Variants in RUNX1 observed in about 807,000 individuals in gnomAD.
The protein encoded by RUNX1 is runt-related transcription factor 1.
A neutral mutation model predicts 42.8 loss-of-function variants in RUNX1; 19 were observed. The observed-to-expected ratio is 0.44, with a 90% confidence interval of 0.31 to 0.65. The LOEUF (loss-of-function observed/expected upper bound fraction) is 0.65. Ranked by LOEUF, RUNX1 falls within the 30% of genes least tolerant of loss-of-function variation. RUNX1 has a pLI of 0.07. For missense variants in RUNX1, 528 were observed against 672.0 expected (o/e 0.79, Z 2.37); for synonymous variants, 271 against 289.4 (o/e 0.94, Z 0.64).
At position 34,835,793 on chromosome 21, in the gene RUNX1, T is replaced by C. The variant is rs141262190; in HGVS notation, c.614-1192A>G. Among the ~76,000 whole-genome samples, 27 of 152,270 alleles carry C rather than the reference T, an allele frequency of 1.8e-4. No individual in the cohort carries two copies. The East Asian group carries it at 5.2e-3, about 29-fold the overall frequency. On this transcript the variant is annotated intron_variant, in intron 6 of 8. Transcript: ENST00000675419. ...AGAAACAGCCTGCCCGCTGCCCCCA[T>C]AAAGTGCTATTTCACATGCCCTGAC...
intron 2 of RUNX1, among the ~76,000 whole-genome samples, chr21:34,992,454 G>A (rs8134978): frequency 0.18 from 26,640 of 151,988 alleles, 2,667 homozygotes; most frequent in African/African-American, 0.26. Context: ...TCCCTGAAGT[G>A]AACATGAGTC....
At position 34,982,296 on chromosome 21, in the gene RUNX1, T is replaced by C. The variant is rs1194508171; in HGVS notation, c.58+66546A>G. On this transcript the variant is annotated intron_variant, in intron 2 of 8. Coordinates refer to ENST00000675419, the MANE Select transcript of RUNX1 (RefSeq NM_001754.5). The stretch of plus-strand genomic sequence containing the variant: ...TCCAAGCTACCCAGGGAACTACCAT[T>C]TACATCATTCATTAAGTAAAATAAA... Among the ~76,000 whole-genome samples the C allele has an allele frequency of 3.9e-5, 6 of 152,242 alleles. No homozygotes were observed. In the East Asian group the frequency reaches 1.2e-3, roughly 29 times the overall value.
At chr21:34,904,842 C>A (rs1409746206) in intron 2 of RUNX1, among the ~76,000 whole-genome samples, 1 of 152,082 alleles carries the variant, frequency 6.6e-6, no homozygotes, top group Non-Finnish European at 1.5e-5. Flanking sequence ...AAGAACCTCA[C>A]GTTTTAGAGA....
At chr21:34,832,519 G>C (rs1486046126) in intron 7 of RUNX1, among the ~76,000 whole-genome samples, 2 of 152,150 alleles carry the variant, frequency 1.3e-5, no homozygotes, top group Non-Finnish European at 2.9e-5. Flanking sequence ...TGGCCAGTTA[G>C]GCAACGAGAG....
rs578008946 is a variant in RUNX1 at position 34,806,942 on chromosome 21, A to G, written c.806-7480T>C. On this transcript the variant is annotated intron_variant, in intron 7 of 8. Coordinates refer to ENST00000675419, the MANE Select transcript of RUNX1 (RefSeq NM_001754.5). ...ACTAAATGAAAATACAACTTATTACAATTTTTGGATGCAGATAGAACAGTA... is the reference window on the plus strand; with the variant it reads ...ACTAAATGAAAATACAACTTATTACGATTTTTGGATGCAGATAGAACAGTA... Among the ~76,000 whole-genome samples the G allele has an allele frequency of 2.0e-5, 3 of 152,230 alleles. No individual in the cohort carries two copies. The East Asian group carries it at 5.8e-4, about 29-fold the overall frequency.
intron 8 of RUNX1, among the ~76,000 whole-genome samples, chr21:34,798,390 G>GT (rs1274292450): frequency 6.6e-6 from 1 of 152,182 alleles, no homozygotes; most frequent in Non-Finnish European, 1.5e-5. Flanking sequence ...GCAAAGGTGA[G>GT]TGCCAAGCCC....
intron 2 of RUNX1, among the ~76,000 whole-genome samples, chr21:35,003,085 A>C (rs1431242902): frequency 6.6e-6 from 1 of 152,192 alleles, no homozygotes; most frequent in Admixed American, 6.5e-5. Flanking sequence ...CCCACTCGAA[A>C]AGCAAATTCA....
In RUNX1 at chr21:34,886,695, C is replaced by T. The variant is rs1179486060; in HGVS notation, c.351+148G>A. On this transcript the variant is annotated intron_variant, in intron 4 of 8. Transcript: ENST00000675419. ...GGGTCGCCACGGCAACACAGCATCC[C>T]CCACATCCCAAGCTAGGAAGACCGA... 7.8e-6 allele frequency: 10 copies of T among 1,288,186 alleles called. No homozygotes were observed. The African/African-American group carries it at 1.5e-4, about 19-fold the overall frequency. 79.8% of individuals were successfully genotyped at this position (1,288,186 alleles called of 1,614,324 possible).
At chr21:34,889,568 A>T in intron 3 of RUNX1, 1 of 712,610 alleles carries the variant, frequency 1.4e-6, no homozygotes, top group Non-Finnish European at 1.8e-6. Context: ...CACCCGCAGC[A>T]GCCGGACAGC....
chr21:34,807,524 A>G (rs2056696323), intron 7 of RUNX1, among the ~76,000 whole-genome samples: 1 of 152,236 alleles, frequency 6.6e-6, no homozygotes, highest in East Asian at 1.9e-4. Flanking sequence ...CTTGGTGAAC[A>G]TATAAACCCT....
In RUNX1 at chr21:34,834,564, C is replaced by G. The variant is rs1569037346; in HGVS notation, c.651G>C (p.Gly217=). The G allele has an allele frequency of 2.5e-6, 4 of 1,612,418 alleles. No individual in the cohort carries two copies. Among genetic ancestry groups the G allele is most frequent in the South Asian group, 1.1e-5 (1 of 90,992 alleles). ...TGAGCCGCTCGGAAAAGGACAAGCT[C>G]CCGGGCTTGGTCTGATCATCTAGTT... The part of the protein sequence containing the change: ...RQKLDDQTKP[G]SLSFSERLSE... The change falls in exon 7 of 9, where the codon GGG becomes GGC. Residue 217 remains glycine (G), a synonymous_variant. Coordinates refer to ENST00000675419, the MANE Select transcript of RUNX1 (RefSeq NM_001754.5).
At position 34,788,966 on chromosome 21, in the gene RUNX1, A is replaced by G. The variant is rs1325849635; in HGVS notation, c.*3169T>C. The G allele has an allele frequency of 4.3e-6, 1 of 233,242 alleles. No homozygotes were observed. Among genetic ancestry groups the G allele is most frequent in the Non-Finnish European group, 8.5e-6 (1 of 118,090 alleles). 14.4% of individuals were successfully genotyped at this position (233,242 alleles called of 1,614,324 possible). Reference sequence around the variant, plus strand: ...GCAATCCTAAATTGCAGGACATTTGAGTGGAACCATTCATTTCCTTTCTAA... The same window carrying G: ...GCAATCCTAAATTGCAGGACATTTGGGTGGAACCATTCATTTCCTTTCTAA... On this transcript the variant is annotated 3_prime_UTR_variant, in exon 9 of 9. Coordinates refer to ENST00000675419, the MANE Select transcript of RUNX1 (RefSeq NM_001754.5).
intron 5 of RUNX1, among the ~76,000 whole-genome samples, chr21:34,867,276 A>T (rs1010664457): frequency 2.6e-5 from 4 of 151,966 alleles, no homozygotes; most frequent in Non-Finnish European, 5.9e-5. Context: ...AAAATAAAAA[A>T]TAAAATAAAA....
intron 2 of RUNX1, among the ~76,000 whole-genome samples, chr21:34,998,529 CTTTTTTCT>C (rs1569144353): frequency 1.3e-5 from 2 of 151,930 alleles, no homozygotes; most frequent in Non-Finnish European, 2.9e-5. Context: ...TGGTCAGCTT[CTTTTTTCT>C]TTTTTTCTTT....
At chr21:34,832,920 G>C (rs959946440) in intron 7 of RUNX1, 3 of 152,092 alleles carry the variant, frequency 2.0e-5, no homozygotes, top group African/African-American at 4.8e-5. Context: ...TTTACAAAAG[G>C]GTTACTCCAC....
At chr21:34,974,872 A>G (rs1025252332) in intron 2 of RUNX1, among the ~76,000 whole-genome samples, 4 of 152,256 alleles carry the variant, frequency 2.6e-5, no homozygotes, top group Admixed American at 6.5e-5. Context: ...ACAGACTGTG[A>G]CGTTATAATG....
At chr21:34,833,485 A>G (rs2057095265) in intron 7 of RUNX1, 1 of 152,540 alleles carries the variant, frequency 6.6e-6, no homozygotes, top group Admixed American at 6.5e-5. Context: ...ACATCCCACA[A>G]TACAACTCAC....
Position 34,880,826 on chromosome 21 carries a change from T to A in RUNX1, c.352-113A>T, listed in dbSNP as rs148009389. 6.2e-4 allele frequency: 705 copies of A among 1,130,450 alleles called. 5 individuals carry two copies. The highest frequency in any genetic ancestry group is 6.0e-3 in the South Asian group (455 of 75,620). The allele number at this position is 1,130,450 out of a possible 1,614,324, so 70.0% of individuals were successfully genotyped here. ...AAATGTATATTCAATGATTTCTTTTTAGGTTGCAGAGGAATAGCAATGATA... is the reference window on the plus strand; with the variant it reads ...AAATGTATATTCAATGATTTCTTTTAAGGTTGCAGAGGAATAGCAATGATA... On this transcript the variant is annotated intron_variant, in intron 4 of 8. Coordinates refer to ENST00000675419, the MANE Select transcript of RUNX1 (RefSeq NM_001754.5).
At chr21:34,886,693 C>T (rs1569083796) in intron 4 of RUNX1, 150 bp downstream of exon 4, 2 of 1,259,454 alleles carry the variant, frequency 1.6e-6, no homozygotes, top group Non-Finnish European at 2.2e-6. Context: ...AACACAGCAT[C>T]CCCCACATCC....
Sources: allele counts gnomAD v4.1 joint callset (sites outside exome capture counted in the v4.1 genomes callset), GRCh38; gene constraint gnomAD v4.1.1; transcripts MANE v1.5; gene names NCBI Gene and HGNC (gene_info 2026-07-23, HGNC 2026-07-21).